TRIP11: variants seen among roughly 807,000 people sequenced by gnomAD.
The protein encoded by TRIP11 is thyroid hormone receptor interactor 11, also known as thyroid receptor-interacting protein 11.
TRIP11 carries 148 observed loss-of-function variants against 223.1 expected under a neutral mutation model. The observed-to-expected ratio is 0.66, with a 90% CI of 0.58 to 0.76. TRIP11 has a LOEUF of 0.76. Ranked by LOEUF, TRIP11 falls within the 30% of genes least tolerant of loss-of-function variation. TRIP11 has a pLI of 0.00. For synonymous variants in TRIP11, 762 were observed against 772.6 expected, an observed-to-expected ratio of 0.99 and a Z score of 0.23; for missense variants, 2,043 against 2,222.0, an observed-to-expected ratio of 0.92 and a Z score of 1.62.
intron 1 of TRIP11, among the ~76,000 whole-genome samples, chr14:92,034,436 A>G (rs2057302277): frequency 6.6e-6 from 1 of 151,166 alleles, no homozygotes; most frequent in Non-Finnish European, 1.5e-5. Flanking sequence ...AAAAAAAAAA[A>G]GGAAAGGGAG....
At chr14:92,001,666 G>T (rs959063575) in intron 11 of TRIP11, among the ~76,000 whole-genome samples, 2 of 152,178 alleles carry the variant, frequency 1.3e-5, no homozygotes, top group Admixed American at 1.3e-4. Context: ...GATCTGCAAA[G>T]GTCAATGAAA....
In TRIP11 at chr14:92,021,568, C is replaced by A. The variant is rs577597668; in HGVS notation, c.576G>T (p.Arg192Ser). The stretch of plus-strand genomic sequence containing the variant: ...AATTTTTATCTACCTGAGCAATATG[C>A]CTCCAATGGCCAACTTCAGACTCAA... The part of the protein sequence containing the change: ...SRLESEVGHW[R>S]HIAQTSKAQG... Residue 192 changes from arginine (R) to serine (S), a missense_variant, in exon 4 of 21, where the codon AGG becomes AGT. By Grantham distance (110) the Arg-to-Ser change is moderately radical. Transcript: ENST00000267622. The A allele has an allele frequency of 6.2e-7, 1 of 1,613,992 alleles. No individual in the cohort carries two copies. Among genetic ancestry groups the A allele is most frequent in the Non-Finnish European group, 8.5e-7 (1 of 1,180,042 alleles).
At position 92,010,981 on chromosome 14, in the gene TRIP11, C is replaced by T; in HGVS notation, c.1314+5G>A. ...TAATTCTGCCCCCATTTTTACAGCA[C>T]CCACCTTTTCTTGACTCAGTAATGA... is the stretch of plus-strand genomic sequence containing the variant. On this transcript the variant is annotated splice_donor_5th_base_variant and intron_variant, in intron 9 of 20. Transcript: ENST00000267622. 6.2e-7 allele frequency: 1 copy of T among 1,613,746 alleles called. No individual in the cohort carries two copies. The highest frequency in any genetic ancestry group is 8.5e-7 in the Non-Finnish European group (1 of 1,179,806).
intron 15 of TRIP11, among the ~76,000 whole-genome samples, chr14:91,992,312 G>A (rs1465918951): frequency 6.6e-6 from 1 of 152,066 alleles, no homozygotes; most frequent in Non-Finnish European, 1.5e-5. Context: ...GGTTGCCTAA[G>A]AGGTGGAAGA....
intron 16 of TRIP11, chr14:91,977,309 TTG>T (rs1183842254): frequency 3.0e-5 from 13 of 436,226 alleles, no homozygotes; most frequent in Admixed American, 1.8e-4. Flanking sequence ...CTTTTGTTGC[TTG>T]TGCTTTTGGT....
chr14:92,031,729 C>G (rs1421847504), intron 2 of TRIP11, among the ~76,000 whole-genome samples: 1 of 152,178 alleles, frequency 6.6e-6, no homozygotes, highest in Non-Finnish European at 1.5e-5. Flanking sequence ...ATTCAAAGAA[C>G]ATTGCTTATT....
rs974280013 is a variant in TRIP11 at position 92,017,212 on chromosome 14, T to C, written c.657+470A>G. Among the ~76,000 whole-genome samples the C allele has an allele frequency of 7.9e-5, 12 of 152,064 alleles. 1 individual carries two copies. The highest frequency in any genetic ancestry group is 5.8e-4 in the East Asian group (3 of 5,204). Reference sequence around the variant, plus strand: ...TTCTGGAAAGACAGAGATTTTTATATACTTTACATAAATAATAAAGAATAT... The same window carrying C: ...TTCTGGAAAGACAGAGATTTTTATACACTTTACATAAATAATAAAGAATAT... On this transcript the variant is annotated intron_variant, in intron 5 of 20. Transcript: ENST00000267622.
At chr14:92,008,392 T>G (rs536222489) in intron 9 of TRIP11, among the ~76,000 whole-genome samples, 3 of 152,334 alleles carry the variant, frequency 2.0e-5, no homozygotes, top group South Asian at 4.1e-4. Flanking sequence ...GGAATTTCCC[T>G]TATTACTTTT....
intron 16 of TRIP11, among the ~76,000 whole-genome samples, chr14:91,977,932 T>C (rs938105634): frequency 1.3e-5 from 2 of 152,210 alleles, no homozygotes; most frequent in Admixed American, 6.5e-5. Flanking sequence ...ATAGAGATGG[T>C]TGCCATAACC....
intron 14 of TRIP11, among the ~76,000 whole-genome samples, chr14:91,994,534 G>A (rs373598009): frequency 7.9e-5 from 12 of 152,214 alleles, no homozygotes; most frequent in Admixed American, 5.2e-4. Flanking sequence ...ATGAGCCACC[G>A]TGCCCGGCAA....
chr14:92,025,620 C>T (rs113690265), intron 2 of TRIP11, among the ~76,000 whole-genome samples, 200 bp from the exon 3 acceptor site: 145 of 152,012 alleles, frequency 9.5e-4, no homozygotes, highest in African/African-American at 3.4e-3. Flanking sequence ...CTGTGGCTCA[C>T]GCCTGTAATC....
Position 91,967,135 on chromosome 14 carries a change from CTTTTTTT to C in TRIP11, c.*2531_*2537del, listed in dbSNP as rs547805058. 182 of 85,542 alleles carry C rather than the reference CTTTTTTT, an allele frequency of 2.1e-3. No homozygotes were observed. Among genetic ancestry groups the C allele is most frequent in the Middle Eastern group, 0.014 (2 of 144 alleles). 5.3% of individuals were successfully genotyped at this position (85,542 alleles called of 1,614,324 possible). On this transcript the variant is annotated 3_prime_UTR_variant, in exon 21 of 21. Transcript: ENST00000267622. ...ACAATGAAAACATTAGGTACTATAG[CTTTTTTT>C]TTTTTTTTTTTTTTTTTGAGACAGA...
intron 16 of TRIP11, among the ~76,000 whole-genome samples, chr14:91,982,091 T>C (rs900831064): frequency 6.6e-6 from 1 of 152,228 alleles, no homozygotes; most frequent in Admixed American, 6.5e-5. Context: ...CTGTGATTGG[T>C]TGAGGTCTAC....
At chr14:92,010,241 CCTT>C (rs556427066) in intron 9 of TRIP11, among the ~76,000 whole-genome samples, 7 of 152,034 alleles carry the variant, frequency 4.6e-5, no homozygotes, top group African/African-American at 1.7e-4. Flanking sequence ...CCTATAAAGA[CCTT>C]CTTTCACCAG....
intron 2 of TRIP11, among the ~76,000 whole-genome samples, chr14:92,030,332 A>G (rs1313287795): frequency 2.6e-5 from 4 of 152,290 alleles, no homozygotes; most frequent in East Asian, 3.9e-4. Flanking sequence ...ATTTTGTGAC[A>G]AGGACTTAAA....
At chr14:91,981,017 T>A (rs1357542982) in intron 16 of TRIP11, among the ~76,000 whole-genome samples, 136 of 96,770 alleles carry the variant, frequency 1.4e-3, no homozygotes, top group Middle Eastern at 5.2e-3. Context: ...TATATATTTT[T>A]TTTTTTTTTT....
At chr14:92,029,355 G>T (rs2057234053) in intron 2 of TRIP11, among the ~76,000 whole-genome samples, 1 of 127,084 alleles carries the variant, frequency 7.9e-6, no homozygotes, top group South Asian at 2.5e-4. Flanking sequence ...GAGTTTACTG[G>T]CACAATCTCG....
chr14:91,982,827 A>C (rs1411091444), intron 16 of TRIP11, among the ~76,000 whole-genome samples: 1 of 152,148 alleles, frequency 6.6e-6, no homozygotes, highest in South Asian at 2.1e-4. Flanking sequence ...TCATAGCCTC[A>C]GTTTACAATT....
At chr14:92,033,099 C>G (rs2057286446) in intron 2 of TRIP11, 93 bp downstream of exon 2, 3 of 941,978 alleles carry the variant, frequency 3.2e-6, no homozygotes, top group Middle Eastern at 2.2e-4. Flanking sequence ...AAGTGCTAAG[C>G]AGTACATTTA....
Sources: gnomAD v4.1 joint callset for allele counts (sites outside exome capture counted in the v4.1 genomes callset) on GRCh38, gnomAD v4.1.1 for gene constraint, MANE v1.5 for transcripts, NCBI Gene and HGNC (gene_info 2026-07-23, HGNC 2026-07-21) for gene names.